WDR72: variants seen among roughly 807,000 people sequenced by gnomAD.
WDR72 encodes WD repeat-containing protein 72.
A neutral mutation model predicts 124.2 loss-of-function variants in WDR72; 120 were observed. The observed-to-expected ratio is 0.97, with a 90% CI of 0.83 to 1.12. WDR72 has a LOEUF of 1.12. Ranked by LOEUF, WDR72 falls within the 50% of genes most tolerant of loss-of-function variation. WDR72 has a pLI of 0.00. For missense variants in WDR72, 1,387 were observed against 1,278.8 expected, an observed-to-expected ratio of 1.08 and a Z score of -1.29; for synonymous variants, 452 against 441.7, an observed-to-expected ratio of 1.02 and a Z score of -0.29.
intron 18 of WDR72, among the ~76,000 whole-genome samples, chr15:53,534,276 A>G (rs1198449148): frequency 6.6e-6 from 1 of 152,144 alleles, no homozygotes; most frequent in Non-Finnish European, 1.5e-5. Flanking sequence ...CTGAATGTTT[A>G]TGTAGCATTG....
intron 13 of WDR72, among the ~76,000 whole-genome samples, chr15:53,674,138 T>TTC (rs1400727554): frequency 4.2e-4 from 64 of 152,306 alleles, no homozygotes; most frequent in African/African-American, 1.3e-3. Context: ...CCATATTGGG[T>TTC]AGGCATTTTC....
intron 16 of WDR72, among the ~76,000 whole-genome samples, chr15:53,610,538 T>C (rs1377965522): frequency 1.3e-5 from 2 of 151,628 alleles, no homozygotes; most frequent in African/African-American, 2.4e-5. Context: ...GATACACTTT[T>C]CATCAAATCC....
chr15:53,744,919 C>A (rs977458142), intron 1 of WDR72, among the ~76,000 whole-genome samples: 3 of 151,826 alleles, frequency 2.0e-5, no homozygotes, highest in African/African-American at 7.3e-5. Flanking sequence ...CAGTTCCTCT[C>A]TTCATGTTCT....
rs940370737 is a variant in WDR72, at chr15:53,514,565, T to TATC, written c.*3131_*3133dup. The TATC allele has an allele frequency of 1.3e-5, 2 of 152,148 alleles. No individual in the cohort carries two copies. Among genetic ancestry groups the TATC allele is most frequent in the Non-Finnish European group, 2.9e-5 (2 of 68,028 alleles). 9.4% of individuals were successfully genotyped at this position (152,148 alleles called of 1,614,324 possible). Reference sequence around the variant, plus strand: ...AAAAGAAATAAAAGTCACCAAATGCTATCATCTAAAGATAGAATATTAATA... The same window carrying TATC: ...AAAAGAAATAAAAGTCACCAAATGCTATCATCATCTAAAGATAGAATATTAATA... On this transcript the variant is annotated 3_prime_UTR_variant, in exon 20 of 20. Coordinates refer to ENST00000360509, the MANE Select transcript of WDR72 (RefSeq NM_182758.4).
At chr15:53,595,827 T>C (rs1476049099) in intron 18 of WDR72, among the ~76,000 whole-genome samples, 1 of 152,202 alleles carries the variant, frequency 6.6e-6, no homozygotes, top group Non-Finnish European at 1.5e-5. Context: ...GAGGTGAATT[T>C]ACCAGATCAT....
At chr15:53,534,543 C>A (rs907284458) in intron 18 of WDR72, among the ~76,000 whole-genome samples, 1 of 152,126 alleles carries the variant, frequency 6.6e-6, no homozygotes, top group Admixed American at 6.5e-5. Context: ...TTTGTTCTCA[C>A]AGGACATCCC....
At chr15:53,574,485 C>G (rs1045997609) in intron 18 of WDR72, among the ~76,000 whole-genome samples, 2 of 152,044 alleles carry the variant, frequency 1.3e-5, no homozygotes, top group Non-Finnish European at 2.9e-5. Context: ...ATAAGAGGCA[C>G]TCAGATTTCG....
chr15:53,642,587 G>A (rs2014894758), intron 14 of WDR72, among the ~76,000 whole-genome samples: 4 of 151,956 alleles, frequency 2.6e-5, no homozygotes, highest in Admixed American at 2.6e-4. Flanking sequence ...TCTCTGTACT[G>A]TCAAGCATTC....
intron 13 of WDR72, among the ~76,000 whole-genome samples, chr15:53,682,136 T>G (rs1427739893): frequency 6.6e-6 from 1 of 152,248 alleles, no homozygotes; most frequent in East Asian, 1.9e-4. Context: ...CAGACCATTT[T>G]ACAATGCACA....
intron 13 of WDR72, among the ~76,000 whole-genome samples, chr15:53,675,645 T>C (rs1283137189): frequency 6.6e-6 from 1 of 152,226 alleles, no homozygotes; most frequent in Non-Finnish European, 1.5e-5. Flanking sequence ...CTCATGCTTT[T>C]AATTGTAGGT....
intron 18 of WDR72, among the ~76,000 whole-genome samples, chr15:53,558,366 A>C (rs149028698): frequency 1.3e-5 from 2 of 152,154 alleles, no homozygotes; most frequent in Non-Finnish European, 2.9e-5. Flanking sequence ...ACATATTTAC[A>C]ACTGTGGTAT....
chr15:53,670,984 C>G (rs1282478708), intron 13 of WDR72, among the ~76,000 whole-genome samples: 1 of 152,176 alleles, frequency 6.6e-6, no homozygotes, highest in Non-Finnish European at 1.5e-5. Flanking sequence ...TCCTCACAGG[C>G]TACGTTACAA....
chr15:53,670,927 G>A (rs568736247), intron 13 of WDR72, among the ~76,000 whole-genome samples: 18 of 152,216 alleles, frequency 1.2e-4, no homozygotes, highest in African/African-American at 4.1e-4. Context: ...GCCAGCTTGG[G>A]CCCCCAGGGC....
chr15:53,600,321 T>C (rs1301132279), intron 17 of WDR72, among the ~76,000 whole-genome samples: 2 of 152,168 alleles, frequency 1.3e-5, no homozygotes, highest in East Asian at 3.9e-4. Flanking sequence ...ATAAAATGTT[T>C]ATATGGCATT....
chr15:53,621,463 G>A (rs1465289142), intron 14 of WDR72, among the ~76,000 whole-genome samples: 1 of 120,004 alleles, frequency 8.3e-6, no homozygotes, highest in Non-Finnish European at 1.6e-5. Flanking sequence ...ATATATGATA[G>A]AGTACTACTC....
chr15:53,663,830 G>A (rs777536201), intron 14 of WDR72, among the ~76,000 whole-genome samples: 68 of 151,970 alleles, frequency 4.5e-4, no homozygotes, highest in Admixed American at 1.0e-3. Flanking sequence ...AAGACTGTCA[G>A]TGTGGTTCAA....
intron 2 of WDR72, among the ~76,000 whole-genome samples, chr15:53,728,953 C>T (rs1339631796): frequency 1.3e-5 from 2 of 152,170 alleles, no homozygotes; most frequent in Non-Finnish European, 2.9e-5. Context: ...CAAGGAAAGA[C>T]TGAGGCACAT....
At chr15:53,663,280 A>C (rs2015668416) in intron 14 of WDR72, among the ~76,000 whole-genome samples, 1 of 152,104 alleles carries the variant, frequency 6.6e-6, no homozygotes, top group Admixed American at 6.6e-5. Flanking sequence ...AGAGAAGTAT[A>C]GTATGTAGGA....
chr15:53,665,786 A>G lies in WDR72; in HGVS notation c.1766-18T>C, dbSNP rs775098519. On this transcript the variant is annotated intron_variant, in intron 13 of 19. Coordinates refer to ENST00000360509, the MANE Select transcript of WDR72 (RefSeq NM_182758.4). ...CAAAGTGCCTGGAAAACAAGATTAG[A>G]GGTAAAAATGTCAGGAAAATATTTA... 3.7e-5 allele frequency: 60 copies of G among 1,612,278 alleles called. No homozygotes were observed. The East Asian group carries it at 1.3e-3, about 35-fold the overall frequency.
Sources: allele counts gnomAD v4.1 joint callset (sites outside exome capture counted in the v4.1 genomes callset), GRCh38; gene constraint gnomAD v4.1.1; transcripts MANE v1.5; gene names NCBI Gene and HGNC (gene_info 2026-07-23, HGNC 2026-07-21).